RASEF: variants seen among roughly 807,000 people sequenced by gnomAD.
RASEF encodes ras and EF-hand domain-containing protein.
RASEF carries 68 observed loss-of-function variants against 90.1 expected under a neutral mutation model. The ratio of observed to expected loss-of-function variants is 0.75; its 90% confidence interval spans 0.62 to 0.92. RASEF has a LOEUF of 0.92. RASEF is among the 40% of genes least tolerant of loss of function. RASEF has a pLI of 0.00. For synonymous variants in RASEF, 331 were observed against 345.2 expected (o/e 0.96, Z 0.46); for missense variants, 949 against 937.2 (o/e 1.01, Z -0.16).
the RASEF span, among the ~76,000 whole-genome samples, chr9:83,109,627 C>G: frequency 6.6e-5 from 10 of 152,142 alleles, no homozygotes; most frequent in Admixed American, 6.6e-5. Context: ...TTCATTACTG[C>G]CTTCATAGCT....
At chr9:83,164,083 C>A in the RASEF span, among the ~76,000 whole-genome samples, 7 of 149,480 alleles carry the variant, frequency 4.7e-5, no homozygotes, top group Non-Finnish European at 8.9e-5. Context: ...CTTTCTCAGA[C>A]AAACAAAAAT....
chr9:83,019,833 A>C (rs4877244), intron 3 of RASEF, among the ~76,000 whole-genome samples: 1 of 152,170 alleles, frequency 6.6e-6, no homozygotes, highest in Admixed American at 6.5e-5. Context: ...CATATATTGC[A>C]TGATTCCACT....
the RASEF span, among the ~76,000 whole-genome samples, chr9:83,162,365 A>G: frequency 6.6e-6 from 1 of 152,226 alleles, no homozygotes; most frequent in Admixed American, 6.5e-5. Flanking sequence ...TGGAGATGGT[A>G]TTACAGAAAG....
chr9:83,081,352 G>T, the RASEF span, among the ~76,000 whole-genome samples: 3 of 152,112 alleles, frequency 2.0e-5, no homozygotes, highest in African/African-American at 7.2e-5. Flanking sequence ...ATAGTAATCT[G>T]CCTCTCATTC....
chr9:83,128,020 CT>C, the RASEF span, among the ~76,000 whole-genome samples: 1 of 112,084 alleles, frequency 8.9e-6, no homozygotes, highest in East Asian at 3.5e-4. Flanking sequence ...TTTTATTTTT[CT>C]TTTCTTTTTT....
At chr9:83,020,920 T>C (rs1829432919) in intron 3 of RASEF, among the ~76,000 whole-genome samples, 1 of 152,334 alleles carries the variant, frequency 6.6e-6, no homozygotes, top group South Asian at 2.1e-4. Context: ...AGGAAAGTGC[T>C]AGCTGAAGAA....
chr9:83,108,928 G>A, the RASEF span, among the ~76,000 whole-genome samples: 1 of 152,220 alleles, frequency 6.6e-6, no homozygotes, highest in Non-Finnish European at 1.5e-5. Flanking sequence ...TTCTGAAAAT[G>A]TATGTAGTCT....
the RASEF span, among the ~76,000 whole-genome samples, chr9:83,199,101 T>C: frequency 6.6e-6 from 1 of 152,120 alleles, no homozygotes; most frequent in Non-Finnish European, 1.5e-5. Context: ...GATGCAATGC[T>C]TTTTCAAAGT....
At chr9:83,030,917 C>T (rs945896918) in intron 1 of RASEF, among the ~76,000 whole-genome samples, 1 of 152,100 alleles carries the variant, frequency 6.6e-6, no homozygotes, top group Non-Finnish European at 1.5e-5. Flanking sequence ...CCCTTTTCCA[C>T]CTTTCTCCCT....
the RASEF span, among the ~76,000 whole-genome samples, chr9:83,105,812 T>C: frequency 6.6e-6 from 1 of 152,176 alleles, no homozygotes; most frequent in Non-Finnish European, 1.5e-5. Flanking sequence ...GCCAGGAATT[T>C]TGGTTATAAG....
chr9:83,014,837 T>C (rs539340215), intron 4 of RASEF, among the ~76,000 whole-genome samples: 5 of 152,250 alleles, frequency 3.3e-5, no homozygotes, highest in Middle Eastern at 3.4e-3. Flanking sequence ...ATTTATACCA[T>C]GGAAATCAAC....
At chr9:83,048,063 T>C (rs1257423250) in intron 1 of RASEF, 3 of 959,920 alleles carry the variant, frequency 3.1e-6, no homozygotes, top group Middle Eastern at 5.3e-4. Flanking sequence ...TCCCAGCATA[T>C]AAAGCAGAGG....
intron 12 of RASEF, 78 bp downstream of exon 12, chr9:83,000,091 T>C: frequency 7.6e-7 from 1 of 1,309,324 alleles, no homozygotes; most frequent in Middle Eastern, 1.9e-4. Flanking sequence ...TGAGCATCTG[T>C]GTATGTAATC....
At chr9:83,157,739 G>A in the RASEF span, among the ~76,000 whole-genome samples, 2 of 152,078 alleles carry the variant, frequency 1.3e-5, no homozygotes, top group African/African-American at 4.8e-5. Context: ...CAACTACAAT[G>A]AGCTAACAAA....
chr9:83,141,802 C>T, the RASEF span, among the ~76,000 whole-genome samples: 3 of 152,124 alleles, frequency 2.0e-5, no homozygotes, highest in Non-Finnish European at 2.9e-5. Flanking sequence ...GTTGAGGTCA[C>T]GACTGGAAAA....
At chr9:83,151,497 A>G in the RASEF span, among the ~76,000 whole-genome samples, 1 of 152,210 alleles carries the variant, frequency 6.6e-6, no homozygotes, top group South Asian at 2.1e-4. Flanking sequence ...AATGGATGCC[A>G]TTGCCTGGGG....
intron 1 of RASEF, among the ~76,000 whole-genome samples, chr9:83,037,254 A>G (rs59312458): frequency 0.043 from 6,543 of 152,222 alleles, 430 homozygotes; most frequent in African/African-American, 0.15. Flanking sequence ...CACTAGCAGA[A>G]GAAGAACTTC....
At chr9:83,076,034 G>A in the RASEF span, among the ~76,000 whole-genome samples, 6 of 152,106 alleles carry the variant, frequency 3.9e-5, no homozygotes, top group Non-Finnish European at 7.3e-5. Context: ...TGGGCGTGGT[G>A]GCACGTGCCT....
chr9:83,108,130 A>G, the RASEF span, among the ~76,000 whole-genome samples: 1 of 152,166 alleles, frequency 6.6e-6, no homozygotes, highest in African/African-American at 2.4e-5. Flanking sequence ...GGTGATGGAA[A>G]TGTTCTATAC....
Sources: allele counts gnomAD v4.1 joint callset (sites outside exome capture counted in the v4.1 genomes callset), GRCh38; gene constraint gnomAD v4.1.1; transcripts MANE v1.5; gene names NCBI Gene and HGNC (gene_info 2026-07-23, HGNC 2026-07-21).